The following ENTHD1 variants were observed in gnomAD, a reference collection of about 807,000 sequenced individuals.
ENTHD1 encodes ENTH domain containing 1.
In ENTHD1, 23 loss-of-function variants were observed where a neutral mutation model predicts 39.1. The ratio of observed to expected loss-of-function variants is 0.59; its 90% confidence interval spans 0.42 to 0.83. ENTHD1 has a LOEUF of 0.83. Ranked by LOEUF, ENTHD1 falls within the 40% of genes least tolerant of loss-of-function variation. ENTHD1 has a pLI of 0.00. For missense variants in ENTHD1, 624 were observed against 705.4 expected, an observed-to-expected ratio of 0.88 and a Z score of 1.31; for synonymous variants, 230 against 258.2, an observed-to-expected ratio of 0.89 and a Z score of 1.05.
chr22:39,778,031 C>A (rs973777096), intron 5 of ENTHD1, among the ~76,000 whole-genome samples: 2 of 152,164 alleles, frequency 1.3e-5, no homozygotes, highest in Non-Finnish European at 2.9e-5. Context: ...GACAATAAAA[C>A]CCTACAGGTG....
At chr22:39,748,311 C>A (rs1382297166) in intron 6 of ENTHD1, among the ~76,000 whole-genome samples, 1 of 150,852 alleles carries the variant, frequency 6.6e-6, no homozygotes, top group Non-Finnish European at 1.5e-5. Flanking sequence ...TAAGAAAAGA[C>A]TCTAGAAATA....
rs2066201282 is a variant in ENTHD1, at chr22:39,867,878, A to T, written c.350-5871T>A. ...TGTTCTATTCCAAATACACAGCAAT[A>T]ATAGACACTGCCAGTCTCAAAAACA... On this transcript the variant is annotated intron_variant, in intron 2 of 6. Coordinates refer to ENST00000325157, the MANE Select transcript of ENTHD1 (RefSeq NM_152512.4). The surrounding 1 kb of genome is among the most constrained non-coding windows in gnomAD (Gnocchi z 4.5). Among the ~76,000 whole-genome samples, 1 of 152,144 alleles carries T rather than the reference A, an allele frequency of 6.6e-6. No homozygotes were observed. The highest frequency in any genetic ancestry group is 1.5e-5 in the Non-Finnish European group (1 of 68,028).
At chr22:39,892,797 T>C (rs2066437693) in intron 1 of ENTHD1, among the ~76,000 whole-genome samples, 1 of 152,124 alleles carries the variant, frequency 6.6e-6, no homozygotes, top group Non-Finnish European at 1.5e-5. Flanking sequence ...TAGACATGAG[T>C]TTGACTCGTA....
intron 3 of ENTHD1, among the ~76,000 whole-genome samples, chr22:39,849,813 T>G (rs528779176): frequency 1.3e-5 from 2 of 152,166 alleles, no homozygotes; most frequent in Non-Finnish European, 2.9e-5. Flanking sequence ...TATATGAAAA[T>G]CCTATCGTTT....
rs145587738 is a variant in ENTHD1 at position 39,865,137 on chromosome 22, G to C, written c.350-3130C>G. On this transcript the variant is annotated intron_variant, in intron 2 of 6. Transcript: ENST00000325157. ...AAATATTCTCCTTGGAGTCTGTGTG[G>C]ATTGGTGGGATTTGAGGACAGCTGC... is the stretch of plus-strand genomic sequence containing the variant. Among the ~76,000 whole-genome samples, 1,153 of 152,168 alleles carry C rather than the reference G, an allele frequency of 7.6e-3. 17 individuals are homozygous for C. Among genetic ancestry groups the C allele is most frequent in the Middle Eastern group, 0.048 (14 of 294 alleles).
chr22:39,783,355 C>G (rs1429926345), intron 5 of ENTHD1, among the ~76,000 whole-genome samples: 2 of 152,054 alleles, frequency 1.3e-5, no homozygotes, highest in Non-Finnish European at 2.9e-5. Flanking sequence ...AATGCAATCC[C>G]TATCAAAATA....
chr22:39,857,439 G>A (rs1210246565), intron 3 of ENTHD1, among the ~76,000 whole-genome samples: 1 of 80,056 alleles, frequency 1.2e-5, no homozygotes, highest in African/African-American at 5.3e-5. Context: ...GTGAAACTCC[G>A]TCTCAAAAAA....
chr22:39,835,049 A>C (rs1046672870), intron 4 of ENTHD1, among the ~76,000 whole-genome samples: 2 of 152,186 alleles, frequency 1.3e-5, no homozygotes, highest in Admixed American at 1.3e-4. Context: ...GTTTACACGT[A>C]TCTATACATG....
chr22:39,762,564 G>A (rs1056609509), intron 6 of ENTHD1, among the ~76,000 whole-genome samples: 2 of 151,926 alleles, frequency 1.3e-5, no homozygotes, highest in Non-Finnish European at 2.9e-5. Flanking sequence ...TGATCCTCCT[G>A]CCTCAGCTTC....
At position 39,887,889 on chromosome 22, in the gene ENTHD1, T is replaced by A; in HGVS notation, c.-141A>T. ...TACAAATAATTAATCTCTATGTTGA[T>A]AAAGTATCAATTTCCTGCAAGGAAA... is the stretch of plus-strand genomic sequence containing the variant. On this transcript the variant is annotated 5_prime_UTR_variant, in exon 2 of 7. Coordinates refer to ENST00000325157, the MANE Select transcript of ENTHD1 (RefSeq NM_152512.4). 1 of 578,840 alleles carries A rather than the reference T, an allele frequency of 1.7e-6. No homozygotes were observed. The highest frequency in any genetic ancestry group is 2.8e-6 in the Non-Finnish European group (1 of 353,348). 35.9% of individuals were successfully genotyped at this position (578,840 alleles called of 1,614,324 possible). A position where few individuals can be genotyped will look rare whatever the true frequency, so the allele number is the denominator to read the frequency against.
At chr22:39,800,891 A>G (rs1206117413) in intron 5 of ENTHD1, among the ~76,000 whole-genome samples, 2 of 152,230 alleles carry the variant, frequency 1.3e-5, no homozygotes, top group Non-Finnish European at 1.5e-5. Context: ...GTAAGGAGTC[A>G]GTAGTATAGT....
chr22:39,838,536 A>G (rs1423346854), intron 3 of ENTHD1, among the ~76,000 whole-genome samples: 3 of 152,146 alleles, frequency 2.0e-5, no homozygotes, highest in Non-Finnish European at 4.4e-5. Context: ...TATAAATAAA[A>G]TAGAGGCAGG....
chr22:39,820,870 G>A (rs1947507452), intron 5 of ENTHD1, 123 bp downstream of exon 5: 2 of 972,974 alleles, frequency 2.1e-6, no homozygotes, highest in African/African-American at 1.6e-5. Context: ...GGACCATGTT[G>A]TGGGTTGAAT....
intron 5 of ENTHD1, among the ~76,000 whole-genome samples, chr22:39,777,548 C>A (rs1359772258): frequency 6.6e-6 from 1 of 152,070 alleles, no homozygotes; most frequent in Admixed American, 6.6e-5. Flanking sequence ...CATTTACTAC[C>A]ACTTCAATAT....
At chr22:39,821,907 T>C (rs1303250490) in intron 4 of ENTHD1, among the ~76,000 whole-genome samples, 1 of 152,222 alleles carries the variant, frequency 6.6e-6, no homozygotes, top group African/African-American at 2.4e-5. Flanking sequence ...ATGAGGGCTA[T>C]GCCCTTATGA....
intron 6 of ENTHD1, among the ~76,000 whole-genome samples, chr22:39,754,197 T>G (rs943624403): frequency 6.6e-6 from 1 of 152,248 alleles, no homozygotes; most frequent in Non-Finnish European, 1.5e-5. Flanking sequence ...CATGGTTGTA[T>G]TCTAATAAAA....
At chr22:39,779,898 T>C (rs1224578093) in intron 5 of ENTHD1, among the ~76,000 whole-genome samples, 3 of 152,210 alleles carry the variant, frequency 2.0e-5, no homozygotes, top group Non-Finnish European at 4.4e-5. Context: ...GATGGGTTTT[T>C]TTTGGTAAGC....
intron 5 of ENTHD1, among the ~76,000 whole-genome samples, chr22:39,816,525 G>C (rs1222067840): frequency 1.3e-5 from 2 of 152,156 alleles, no homozygotes; most frequent in Non-Finnish European, 2.9e-5. Flanking sequence ...GAATAGAATA[G>C]AGTTGTTAAA....
At chr22:39,781,012 C>CAAAAAAAAAA (rs1555925222) in intron 5 of ENTHD1, among the ~76,000 whole-genome samples, 3 of 138,270 alleles carry the variant, frequency 2.2e-5, no homozygotes, top group Non-Finnish European at 3.3e-5. Context: ...AAAAAAAAAG[C>CAAAAAAAAAA]AAACAGTAGA....
Sources: gnomAD v4.1 joint callset for allele counts (sites outside exome capture counted in the v4.1 genomes callset) on GRCh38, gnomAD v4.1.1 for gene constraint, Gnocchi (gnomAD v3.1) non-coding constraint, MANE v1.5 for transcripts, NCBI Gene and HGNC (gene_info 2026-07-23, HGNC 2026-07-21) for gene names.